Variants in ALB observed in about 807,000 individuals in gnomAD.
The protein encoded by ALB is albumin, also known as serum albumin.
ALB carries 37 observed loss-of-function variants against 74.5 expected under a neutral mutation model. The ratio of observed to expected loss-of-function variants is 0.50; its 90% CI spans 0.38 to 0.65. The LOEUF is 0.65. Among genes scored for constraint, ALB ranks in the 30% least tolerant of loss-of-function variants. ALB has a pLI of 0.00. For missense variants in ALB, 685 were observed against 718.7 expected (o/e 0.95, Z 0.54); for synonymous variants, 249 against 251.6 (o/e 0.99, Z 0.10).
At chr4:73,415,548 G>A (rs976925296) in intron 9 of ALB, among the ~76,000 whole-genome samples, 2 of 152,092 alleles carry the variant, frequency 1.3e-5, no homozygotes, top group African/African-American at 4.8e-5. Flanking sequence ...GCAAATTATA[G>A]AACCTATCCC....
At chr4:73,418,455 A>G (rs1324848099) in intron 12 of ALB, 144 bp downstream of exon 12, 1 of 733,490 alleles carries the variant, frequency 1.4e-6, no homozygotes, top group Non-Finnish European at 2.3e-6. Context: ...TGATAAGAGT[A>G]CCCAGAATAA....
chr4:73,414,201 G>A (rs910267709), intron 8 of ALB, among the ~76,000 whole-genome samples: 12 of 152,142 alleles, frequency 7.9e-5, no homozygotes, highest in Non-Finnish European at 1.5e-4. Context: ...CATTTTTGTT[G>A]TTGGATTATG....
intron 3 of ALB, 73 bp from the exon 4 acceptor site, chr4:73,408,521 C>T: frequency 7.5e-7 from 1 of 1,325,124 alleles, no homozygotes. Context: ...TATATTAAAT[C>T]CTTTGTACTG....
chr4:73,419,489 T>G lies in ALB; in HGVS notation c.1653-18T>G, dbSNP rs1198165335. On this transcript the variant is annotated intron_variant, in intron 12 of 14. Transcript: ENST00000295897. ...TGTTTTTTCTGTTTTTTTTTTTTCT[T>G]TTTCCATTCAAACTCAGTGCACTTG... 6.2e-7 allele frequency: 1 copy of G among 1,607,766 alleles called. No homozygotes were observed. The highest frequency in any genetic ancestry group is 8.5e-7 in the Non-Finnish European group (1 of 1,178,004).
chr4:73,410,173 C>T (rs1440362124), intron 5 of ALB, 139 bp from the exon 6 acceptor site: 10 of 687,966 alleles, frequency 1.5e-5, no homozygotes, highest in Admixed American at 4.5e-5. Context: ...AATCATTATT[C>T]GCTAAAGGGA....
Position 73,417,576 on chromosome 4 carries a change from A to G in ALB, c.1335A>G (p.Pro445=), listed in dbSNP as rs1265590977. 3 of 1,614,034 alleles carry G rather than the reference A, an allele frequency of 1.9e-6. No individual in the cohort carries two copies. The highest frequency in any genetic ancestry group is 1.7e-6 in the Non-Finnish European group (2 of 1,179,962). The change falls in exon 11 of 15, where the codon CCA becomes CCG. Residue 445 remains proline (P), a synonymous_variant. Transcript: ENST00000295897. Reference sequence around the variant, plus strand: ...AGAAAGTACCCCAAGTGTCAACTCCAACTCTTGTAGAGGTCTCAAGAAACC... The same window carrying G: ...AGAAAGTACCCCAAGTGTCAACTCCGACTCTTGTAGAGGTCTCAAGAAACC... The part of the protein sequence containing the change: ...YTKKVPQVST[P]TLVEVSRNLG...
At position 73,410,366 on chromosome 4, in the gene ALB, T is replaced by C. The variant is rs1718840405; in HGVS notation, c.670T>C (p.Cys224Arg). The change falls in exon 6 of 15, where the codon TGT becomes CGT. Residue 224 changes from cysteine (C) to arginine (R), a missense_variant. Coordinates refer to ENST00000295897, the MANE Select transcript of ALB (RefSeq NM_000477.7). ...KASSAKQRLK[C>R]ASLQKFGERA... Reference sequence around the variant, plus strand: ...TTCGTCTGCCAAACAGAGACTCAAGTGTGCCAGTCTCCAAAAATTTGGAGA... The same window carrying C: ...TTCGTCTGCCAAACAGAGACTCAAGCGTGCCAGTCTCCAAAAATTTGGAGA... 6.2e-7 allele frequency: 1 copy of C among 1,613,902 alleles called. No individual in the cohort carries two copies. The highest frequency in any genetic ancestry group is 8.5e-7 in the Non-Finnish European group (1 of 1,179,784).
chr4:73,419,492 TCC>T lies in ALB; in HGVS notation c.1653-14_1653-13del, dbSNP rs1577942505. On this transcript the variant is annotated splice_polypyrimidine_tract_variant and intron_variant, in intron 12 of 14. Coordinates refer to ENST00000295897, the MANE Select transcript of ALB (RefSeq NM_000477.7). Reference sequence around the variant, plus strand: ...TTTTTCTGTTTTTTTTTTTTCTTTTTCCATTCAAACTCAGTGCACTTGTTGAG... The same window carrying T: ...TTTTTCTGTTTTTTTTTTTTCTTTTTATTCAAACTCAGTGCACTTGTTGAG... 18 of 1,607,624 alleles carry T rather than the reference TCC, an allele frequency of 1.1e-5. No individual in the cohort carries two copies. The highest frequency in any genetic ancestry group is 2.2e-5 in the East Asian group (1 of 44,810).
chr4:73,405,654 A>C (rs62309473), intron 2 of ALB, among the ~76,000 whole-genome samples: 21 of 151,704 alleles, frequency 1.4e-4, no homozygotes, highest in Admixed American at 4.6e-4. Flanking sequence ...GCAGTGGCGC[A>C]ATCTCGGCTC....
At chr4:73,419,835 A>G (rs4076) in intron 13 of ALB, among the ~76,000 whole-genome samples, 196 bp downstream of exon 13, 65,723 of 152,040 alleles carry the variant, frequency 0.43, 14,534 homozygotes, top group Admixed American at 0.53. Context: ...CCATACTGTT[A>G]AATGTTTATA....
chr4:73,405,781 G>C (rs972048314), intron 2 of ALB, among the ~76,000 whole-genome samples: 1 of 151,928 alleles, frequency 6.6e-6, no homozygotes, highest in Non-Finnish European at 1.5e-5. Flanking sequence ...TAGTAGAGAT[G>C]GGGTTTCACC....
In ALB at chr4:73,419,562, G is replaced by T; in HGVS notation, c.1708G>T (p.Ala570Ser). The T allele has an allele frequency of 6.2e-7, 1 of 1,613,782 alleles. No individual in the cohort carries two copies. The highest frequency in any genetic ancestry group is 8.5e-7 in the Non-Finnish European group (1 of 1,179,922). Residue 570 changes from alanine to serine, a missense_variant, in exon 13 of 15, where the codon GCT becomes TCT. Transcript: ENST00000295897. ...CAAGGCAACAAAAGAGCAACTGAAA[G>T]CTGTTATGGATGATTTCGCAGCTTT... ...KPKATKEQLK[A>S]VMDDFAAFVE...
intron 14 of ALB, 74 bp downstream of exon 14, chr4:73,420,395 C>A: frequency 9.6e-7 from 1 of 1,045,898 alleles, no homozygotes; most frequent in Non-Finnish European, 1.4e-6. Flanking sequence ...TGACCATTTC[C>A]AAGAGCCATA....
Position 73,410,328 on chromosome 4 carries a change from A to G in ALB, c.632A>G (p.Asp211Gly). ...TTTTTGTAGCTCGATGAACTTCGGG[A>G]TGAAGGGAAGGCTTCGTCTGCCAAA... ...CLLPKLDELRDEGKASSAKQR... is the reference protein window; with the variant it reads ...CLLPKLDELRGEGKASSAKQR... The change falls in exon 6 of 15, where the codon GAT becomes GGT. Residue 211 changes from aspartate (D) to glycine (G), a missense_variant. Asp to Gly is a moderately conservative substitution (Grantham distance 94). Transcript: ENST00000295897. 1 of 1,613,790 alleles carries G rather than the reference A, an allele frequency of 6.2e-7. No homozygotes were observed. Among genetic ancestry groups the G allele is most frequent in the East Asian group, 2.2e-5 (1 of 44,860 alleles).
chr4:73,415,246 T>C, intron 9 of ALB, 79 bp downstream of exon 9: 1 of 1,500,348 alleles, frequency 6.7e-7, no homozygotes, highest in African/African-American at 1.4e-5. Flanking sequence ...TGCAAGAATG[T>C]AAAATGATAT....
chr4:73,411,240 G>GAA (rs34313532), intron 6 of ALB, among the ~76,000 whole-genome samples: 51 of 151,656 alleles, frequency 3.4e-4, no homozygotes, highest in African/African-American at 7.7e-4. Context: ...CCAAATTTAT[G>GAA]AAAAAAAACA....
At chr4:73,416,213 T>TC in intron 9 of ALB, 43 bp from the exon 10 acceptor site, 1 of 1,530,602 alleles carries the variant, frequency 6.5e-7, no homozygotes, top group Non-Finnish European at 9.0e-7. Flanking sequence ...CTGCATCTGA[T>TC]CCTGAGGCAT....
intron 12 of ALB, 99 bp downstream of exon 12, chr4:73,418,410 T>C: frequency 9.4e-7 from 1 of 1,061,542 alleles, no homozygotes; most frequent in Non-Finnish European, 1.4e-6. Flanking sequence ...TTATATTTCT[T>C]AGAGGAAAGT....
At chr4:73,411,908 A>T in intron 6 of ALB, 88 bp from the exon 7 acceptor site, 1 of 1,546,424 alleles carries the variant, frequency 6.5e-7, no homozygotes, top group Non-Finnish European at 8.9e-7. Flanking sequence ...TCCATTTTGA[A>T]TTTTCTTATG....
Sources: allele counts gnomAD v4.1 joint callset (sites outside exome capture counted in the v4.1 genomes callset), GRCh38; gene constraint gnomAD v4.1.1; transcripts MANE v1.5; gene names NCBI Gene and HGNC (gene_info 2026-07-23, HGNC 2026-07-21).